Variants in SPRYD4 observed in about 807,000 individuals in gnomAD.
SPRYD4 encodes SPRY domain containing 4.
SPRYD4 carries 12 observed loss-of-function variants against 16.6 expected under a neutral mutation model. The ratio of observed to expected loss-of-function variants is 0.72; its 90% confidence interval spans 0.46 to 1.17. SPRYD4 has a LOEUF of 1.17. SPRYD4 is among the 50% of genes most tolerant of loss of function. The pLI, the probability that SPRYD4 is intolerant of heterozygous loss-of-function variation, is 0.00. For missense variants in SPRYD4, 260 were observed against 260.2 expected (o/e 1.00, Z 0.00); for synonymous variants, 98 against 105.4 (o/e 0.93, Z 0.43).
At position 56,477,438 on chromosome 12, in the gene SPRYD4, C is replaced by T; in HGVS notation, c.*7861C>T. The T allele has an allele frequency of 2.2e-6, 1 of 445,530 alleles. No individual in the cohort carries two copies. Among genetic ancestry groups the T allele is most frequent in the Non-Finnish European group, 4.0e-6 (1 of 248,842 alleles). The allele number at this position is 445,530 out of a possible 1,614,324, so 27.6% of individuals were successfully genotyped here. A position where few individuals can be genotyped will look rare whatever the true frequency, so the allele number is the denominator to read the frequency against. On this transcript the variant is annotated 3_prime_UTR_variant, in exon 2 of 2. Coordinates refer to ENST00000338146, the MANE Select transcript of SPRYD4 (RefSeq NM_207344.4). Reference sequence around the variant, plus strand: ...TAGGCTCTAGACTCATGGGTGGGGGCAGGGAACAGTACTGAGTGGGGATGA... The same window carrying T: ...TAGGCTCTAGACTCATGGGTGGGGGTAGGGAACAGTACTGAGTGGGGATGA...
rs2136174798 is a variant in SPRYD4 at position 56,470,801 on chromosome 12, A to C, written c.*1224A>C. 6.6e-6 allele frequency: 1 copy of C among 152,200 alleles called. No homozygotes were observed. Among genetic ancestry groups the C allele is most frequent in the Non-Finnish European group, 1.5e-5 (1 of 68,060 alleles). 9.4% of individuals were successfully genotyped at this position (152,200 alleles called of 1,614,324 possible). A position where few individuals can be genotyped will look rare whatever the true frequency, so the allele number is the denominator to read the frequency against. ...CTAAAGCAGTATTTGGAGTTGAGAAAAACCTGGTGGGGTAAGTGAATATGT... is the reference window on the plus strand; with the variant it reads ...CTAAAGCAGTATTTGGAGTTGAGAACAACCTGGTGGGGTAAGTGAATATGT... On this transcript the variant is annotated 3_prime_UTR_variant, in exon 2 of 2. Transcript: ENST00000338146.
In SPRYD4 at chr12:56,476,384, G is replaced by C. The variant is rs1869817377; in HGVS notation, c.*6807G>C. ...CCCTGACTCCCACGTTCATTTTCCT[G>C]ACTCGAATCCTGTCTCCTAGCCCCA... On this transcript the variant is annotated 3_prime_UTR_variant, in exon 2 of 2. Transcript: ENST00000338146. 1 of 227,068 alleles carries C rather than the reference G, an allele frequency of 4.4e-6. No individual in the cohort carries two copies. The highest frequency in any genetic ancestry group is 8.8e-6 in the Non-Finnish European group (1 of 114,022). The allele number at this position is 227,068 out of a possible 1,614,324, so 14.1% of individuals were successfully genotyped here.
chr12:56,475,782 G>T lies in SPRYD4; in HGVS notation c.*6205G>T. 7.1e-7 allele frequency: 1 copy of T among 1,408,444 alleles called. No individual in the cohort carries two copies. The allele number at this position is 1,408,444 out of a possible 1,614,324, so 87.2% of individuals were successfully genotyped here. ...CTTCTGAACTCAGGTCTTGTCAAGA[G>T]GCTTTCCTCTCTGAGGCCAGCAGAT... On this transcript the variant is annotated 3_prime_UTR_variant, in exon 2 of 2. Coordinates refer to ENST00000338146, the MANE Select transcript of SPRYD4 (RefSeq NM_207344.4).
At position 56,472,882 on chromosome 12, in the gene SPRYD4, A is replaced by ATT; in HGVS notation, c.*3306_*3307dup. 8 of 544,532 alleles carry ATT rather than the reference A, an allele frequency of 1.5e-5. No homozygotes were observed. Among genetic ancestry groups the ATT allele is most frequent in the South Asian group, 7.3e-5 (3 of 40,964 alleles). The allele number at this position is 544,532 out of a possible 1,614,324, so 33.7% of individuals were successfully genotyped here. On this transcript the variant is annotated 3_prime_UTR_variant, in exon 2 of 2. Transcript: ENST00000338146. Reference sequence around the variant, plus strand: ...GTTATGGAATGTGCTACTCTGAAATATTCTTTTTTTTTTTTTTTTTTTTGA... The same window carrying ATT: ...GTTATGGAATGTGCTACTCTGAAATATTTTCTTTTTTTTTTTTTTTTTTTTGA...
chr12:56,475,786 T>G lies in SPRYD4; in HGVS notation c.*6209T>G. ...TGAACTCAGGTCTTGTCAAGAGGCT[T>G]TCCTCTCTGAGGCCAGCAGATTTCC... On this transcript the variant is annotated 3_prime_UTR_variant, in exon 2 of 2. Coordinates refer to ENST00000338146, the MANE Select transcript of SPRYD4 (RefSeq NM_207344.4). The G allele has an allele frequency of 7.2e-7, 1 of 1,383,806 alleles. No homozygotes were observed. The highest frequency in any genetic ancestry group is 1.0e-6 in the Non-Finnish European group (1 of 990,156). The allele number at this position is 1,383,806 out of a possible 1,614,324, so 85.7% of individuals were successfully genotyped here.
In SPRYD4 at chr12:56,476,289, G is replaced by A; in HGVS notation, c.*6712G>A. 3.0e-6 allele frequency: 1 copy of A among 338,486 alleles called. No homozygotes were observed. The highest frequency in any genetic ancestry group is 5.5e-6 in the Non-Finnish European group (1 of 180,484). 21.0% of individuals were successfully genotyped at this position (338,486 alleles called of 1,614,324 possible). On this transcript the variant is annotated 3_prime_UTR_variant, in exon 2 of 2. Transcript: ENST00000338146. ...GCGATCCTCCCACTTCAGCCTCCAA[G>A]TAGCTCGGATTACAGGCATGAGCCA...
In SPRYD4 at chr12:56,476,062, T is replaced by C; in HGVS notation, c.*6485T>C. On this transcript the variant is annotated 3_prime_UTR_variant, in exon 2 of 2. Transcript: ENST00000338146. ...TCAGAAGGATCTAGTGGAGTTCTAGTGTTAGTCTGGTCCTGCTGCTGCAAA... is the reference window on the plus strand; with the variant it reads ...TCAGAAGGATCTAGTGGAGTTCTAGCGTTAGTCTGGTCCTGCTGCTGCAAA... 7.4e-7 allele frequency: 1 copy of C among 1,348,292 alleles called. No homozygotes were observed. The highest frequency in any genetic ancestry group is 1.0e-6 in the Non-Finnish European group (1 of 952,640). 83.5% of individuals were successfully genotyped at this position (1,348,292 alleles called of 1,614,324 possible).
At position 56,473,580 on chromosome 12, in the gene SPRYD4, G is replaced by A. The variant is rs572977308; in HGVS notation, c.*4003G>A. On this transcript the variant is annotated 3_prime_UTR_variant, in exon 2 of 2. Transcript: ENST00000338146. Reference sequence around the variant, plus strand: ...GGATGGCTCCTGATACAGCTGACTTGGCTGGCAGGCCCACCTGGGGAACAG... The same window carrying A: ...GGATGGCTCCTGATACAGCTGACTTAGCTGGCAGGCCCACCTGGGGAACAG... 5 of 1,610,638 alleles carry A rather than the reference G, an allele frequency of 3.1e-6. No homozygotes were observed. The highest frequency in any genetic ancestry group is 4.2e-6 in the Non-Finnish European group (5 of 1,179,074).
rs938894452 is a variant in SPRYD4 at position 56,470,995 on chromosome 12, T to G, written c.*1418T>G. The G allele has an allele frequency of 9.0e-4, 176 of 196,188 alleles. No individual in the cohort carries two copies. The highest frequency in any genetic ancestry group is 2.8e-4 in the Non-Finnish European group (27 of 97,402). The allele number at this position is 196,188 out of a possible 1,614,324, so 12.2% of individuals were successfully genotyped here. ...TTATTTGAACACAAAATACTTTCTC[T>G]GTCTATAAAATTGGCTGTTAGCAGT... On this transcript the variant is annotated 3_prime_UTR_variant, in exon 2 of 2. Transcript: ENST00000338146.
At position 56,473,697 on chromosome 12, in the gene SPRYD4, C is replaced by T; in HGVS notation, c.*4120C>T. On this transcript the variant is annotated 3_prime_UTR_variant, in exon 2 of 2. Transcript: ENST00000338146. ...AACAAGTTTACAAATGACTGCATGA[C>T]CACAATCCACCTCAACCTTTTGGCT... 1 of 1,378,712 alleles carries T rather than the reference C, an allele frequency of 7.3e-7. No homozygotes were observed. The highest frequency in any genetic ancestry group is 9.7e-7 in the Non-Finnish European group (1 of 1,030,256). The allele number at this position is 1,378,712 out of a possible 1,614,324, so 85.4% of individuals were successfully genotyped here.
chr12:56,475,352 T>C lies in SPRYD4; in HGVS notation c.*5775T>C. ...CTGTCTAGTCATCTAGGAAAACTGG[T>C]GAAGTTTTTGGCTTTGAAAGTCTTG... On this transcript the variant is annotated 3_prime_UTR_variant, in exon 2 of 2. Coordinates refer to ENST00000338146, the MANE Select transcript of SPRYD4 (RefSeq NM_207344.4). 1 of 1,090,210 alleles carries C rather than the reference T, an allele frequency of 9.2e-7. No homozygotes were observed. The highest frequency in any genetic ancestry group is 1.3e-6 in the Non-Finnish European group (1 of 782,186). 67.5% of individuals were successfully genotyped at this position (1,090,210 alleles called of 1,614,324 possible).
In SPRYD4 at chr12:56,475,414, T is replaced by C; in HGVS notation, c.*5837T>C. 1 of 701,794 alleles carries C rather than the reference T, an allele frequency of 1.4e-6. No individual in the cohort carries two copies. Among genetic ancestry groups the C allele is most frequent in the Non-Finnish European group, 2.3e-6 (1 of 428,598 alleles). 43.5% of individuals were successfully genotyped at this position (701,794 alleles called of 1,614,324 possible). A position where few individuals can be genotyped will look rare whatever the true frequency, so the allele number is the denominator to read the frequency against. The stretch of plus-strand genomic sequence containing the variant: ...CTTAGGCACAAACCATCACACTGCC[T>C]CTCTCATTATGTACTAATTAGAAAT... On this transcript the variant is annotated 3_prime_UTR_variant, in exon 2 of 2. Transcript: ENST00000338146.
chr12:56,472,404 A>G lies in SPRYD4; in HGVS notation c.*2827A>G. On this transcript the variant is annotated 3_prime_UTR_variant, in exon 2 of 2. Transcript: ENST00000338146. ...ATGGGAATGTGATCCTTCCAGAAAT[A>G]TCACTCACTGCCTACCTGTGGTAAG... is the stretch of plus-strand genomic sequence containing the variant. The G allele has an allele frequency of 1.6e-6, 1 of 608,692 alleles. No individual in the cohort carries two copies. Among genetic ancestry groups the G allele is most frequent in the Non-Finnish European group, 2.9e-6 (1 of 345,504 alleles). The allele number at this position is 608,692 out of a possible 1,614,324, so 37.7% of individuals were successfully genotyped here.
At position 56,478,336 on chromosome 12, in the gene SPRYD4, G is replaced by T; in HGVS notation, c.*8759G>T. On this transcript the variant is annotated 3_prime_UTR_variant, in exon 2 of 2. Transcript: ENST00000338146. Reference sequence around the variant, plus strand: ...ACAGAGTTGAGGTTGAGGGTCAAGAGAATCTTTTAGATAAAAGCTAAAATT... The same window carrying T: ...ACAGAGTTGAGGTTGAGGGTCAAGATAATCTTTTAGATAAAAGCTAAAATT... 2 of 1,477,600 alleles carry T rather than the reference G, an allele frequency of 1.4e-6. No individual in the cohort carries two copies. The highest frequency in any genetic ancestry group is 2.3e-5 in the East Asian group (1 of 43,784). 91.5% of individuals were successfully genotyped at this position (1,477,600 alleles called of 1,614,324 possible). A position where few individuals can be genotyped will look rare whatever the true frequency, so the allele number is the denominator to read the frequency against.
rs1451155800 is a variant in SPRYD4, at chr12:56,473,397, A to C, written c.*3820A>C. 5.6e-6 allele frequency: 9 copies of C among 1,604,582 alleles called. No individual in the cohort carries two copies. The East Asian group carries it at 2.0e-4, about 36-fold the overall frequency. On this transcript the variant is annotated 3_prime_UTR_variant, in exon 2 of 2. Coordinates refer to ENST00000338146, the MANE Select transcript of SPRYD4 (RefSeq NM_207344.4). ...AGCTCAAAATTGCTTTATTATAGTA[A>C]AAGTGGTACCATTAAACAAATTTAT... is the stretch of plus-strand genomic sequence containing the variant.
chr12:56,474,804 C>G lies in SPRYD4; in HGVS notation c.*5227C>G. 3 of 1,613,318 alleles carry G rather than the reference C, an allele frequency of 1.9e-6. No homozygotes were observed. The highest frequency in any genetic ancestry group is 2.5e-6 in the Non-Finnish European group (3 of 1,179,638). On this transcript the variant is annotated 3_prime_UTR_variant, in exon 2 of 2. Transcript: ENST00000338146. ...TGTAGGGAAAGGGCAAGGGCAAGGA[C>G]AGTCTGTCCTGTTCCCTCGGCCCTG...
In SPRYD4 at chr12:56,474,500, A is replaced by G. The variant is rs377318971; in HGVS notation, c.*4923A>G. On this transcript the variant is annotated 3_prime_UTR_variant, in exon 2 of 2. Coordinates refer to ENST00000338146, the MANE Select transcript of SPRYD4 (RefSeq NM_207344.4). ...GAGAGAGTCAGTGTTCTCTCTTCTT[A>G]GCACTGGGCTCATGACAGATGGATA... is the stretch of plus-strand genomic sequence containing the variant. 17 of 1,609,400 alleles carry G rather than the reference A, an allele frequency of 1.1e-5. No individual in the cohort carries two copies. The African/African-American group carries it at 2.0e-4, about 19-fold the overall frequency.
At chr12:56,468,945 C>T (rs1042444159) in intron 1 of SPRYD4, 94 bp from the exon 2 acceptor site, 1 of 1,442,232 alleles carries the variant, frequency 6.9e-7, no homozygotes, top group African/African-American at 1.4e-5. Context: ...CCTAGTTGCT[C>T]GTGTATCATG....
Position 56,475,089 on chromosome 12 carries a change from T to G in SPRYD4, c.*5512T>G. On this transcript the variant is annotated 3_prime_UTR_variant, in exon 2 of 2. Transcript: ENST00000338146. Reference sequence around the variant, plus strand: ...AGCCGATGGCATAATTCCGATCCCCTGTTTCCTTCTCTGACTGGAATCTGA... The same window carrying G: ...AGCCGATGGCATAATTCCGATCCCCGGTTTCCTTCTCTGACTGGAATCTGA... 1.9e-6 allele frequency: 3 copies of G among 1,614,092 alleles called. No individual in the cohort carries two copies. Among genetic ancestry groups the G allele is most frequent in the South Asian group, 2.2e-5 (2 of 91,084 alleles).
Sources: allele counts gnomAD v4.1 joint callset, GRCh38; gene constraint gnomAD v4.1.1; transcripts MANE v1.5; gene names NCBI Gene and HGNC (gene_info 2026-07-23, HGNC 2026-07-21).